The following SLC35F5 variants were observed in gnomAD, a reference collection of about 807,000 sequenced individuals.
SLC35F5 encodes HCV NS5A-transactivated protein 3.
Under a neutral mutation model 68.6 loss-of-function variants are expected in SLC35F5, and 54 were observed. The ratio of observed to expected loss-of-function variants is 0.79; its 90% CI spans 0.63 to 0.99. The LOEUF is 0.99. Among genes scored for constraint, SLC35F5 ranks in the 50% least tolerant of loss-of-function variants. The pLI is 0.00. For missense variants in SLC35F5, 567 were observed against 626.9 expected, an observed-to-expected ratio of 0.90 and a Z score of 1.02; for synonymous variants, 211 against 205.2, an observed-to-expected ratio of 1.03 and a Z score of -0.24.
At chr2:113,746,565 ACAGT>A (rs1676493297) in intron 4 of SLC35F5, among the ~76,000 whole-genome samples, 2 of 152,132 alleles carry the variant, frequency 1.3e-5, no homozygotes, top group South Asian at 2.1e-4. Flanking sequence ...TTTAATCCTG[ACAGT>A]CAGGATTAAA....
intron 7 of SLC35F5, among the ~76,000 whole-genome samples, chr2:113,739,864 A>T (rs967571029): frequency 6.6e-6 from 1 of 152,216 alleles, no homozygotes; most frequent in Non-Finnish European, 1.5e-5. Flanking sequence ...AATGATTAAC[A>T]GGTATTTTGT....
intron 9 of SLC35F5, chr2:113,733,413 G>T: frequency 3.0e-6 from 1 of 334,148 alleles, no homozygotes; most frequent in East Asian, 1.3e-4. Flanking sequence ...TCTTTATTAA[G>T]ATAACATGAA....
rs1278676250 is a variant in SLC35F5 at position 113,707,935 on chromosome 2, T to A, written c.*7283A>T. On this transcript the variant is annotated 3_prime_UTR_variant, in exon 16 of 16. Transcript: ENST00000245680. Reference sequence around the variant, plus strand: ...AATGTATCCTGGCACTTATTTTTTTTAAACCATTATCAGATATTTCATGTT... The same window carrying A: ...AATGTATCCTGGCACTTATTTTTTTAAAACCATTATCAGATATTTCATGTT... Among the ~76,000 whole-genome samples the A allele has an allele frequency of 3.9e-5, 6 of 152,192 alleles. No homozygotes were observed. The highest frequency in any genetic ancestry group is 1.2e-4 in the African/African-American group (5 of 41,462).
chr2:113,751,701 T>C (rs1338344050), intron 3 of SLC35F5, among the ~76,000 whole-genome samples: 1 of 152,078 alleles, frequency 6.6e-6, no homozygotes, highest in African/African-American at 2.4e-5. Context: ...TCCCAGGTAC[T>C]CTGGAGGCTG....
In SLC35F5 at chr2:113,734,644, A is replaced by ATC; in HGVS notation, c.861_862insGA (p.Phe288AspfsTer16). 6.2e-7 allele frequency: 1 copy of ATC among 1,606,676 alleles called. No individual in the cohort carries two copies. Among genetic ancestry groups the ATC allele is most frequent in the African/African-American group, 1.3e-5 (1 of 74,802 alleles). ...AATCTATCTCCACTGTTACTTGGAAATACTGCAGCAAGGATTAAGGTAAAA... is the reference window on the plus strand; with the variant it reads ...AATCTATCTCCACTGTTACTTGGAAATCTACTGCAGCAAGGATTAAGGTAAAA... On this transcript the variant is annotated frameshift_variant, in exon 9 of 16. Transcript: ENST00000245680. LOFTEE classifies it high-confidence loss of function.
chr2:113,708,537 T>C lies in SLC35F5; in HGVS notation c.*6681A>G, dbSNP rs1318951262. Reference sequence around the variant, plus strand: ...CTGGCCAACATGGTAAAACCTCCTCTCTACTATAAATACAAAAAATTAGCT... The same window carrying C: ...CTGGCCAACATGGTAAAACCTCCTCCCTACTATAAATACAAAAAATTAGCT... On this transcript the variant is annotated 3_prime_UTR_variant, in exon 16 of 16. Coordinates refer to ENST00000245680, the MANE Select transcript of SLC35F5 (RefSeq NM_025181.5). 6.6e-6 allele frequency among the ~76,000 whole-genome samples: 1 copy of C among 151,946 alleles called. No homozygotes were observed. The highest frequency in any genetic ancestry group is 1.5e-5 in the Non-Finnish European group (1 of 67,964).
chr2:113,726,767 G>A (rs1304135017), intron 11 of SLC35F5, among the ~76,000 whole-genome samples: 2 of 152,184 alleles, frequency 1.3e-5, no homozygotes, highest in Non-Finnish European at 2.9e-5. Context: ...TCAAGGCCCA[G>A]ACATATTAGC....
Position 113,713,208 on chromosome 2 carries a change from T to C in SLC35F5, c.*2010A>G, listed in dbSNP as rs1022140652. On this transcript the variant is annotated 3_prime_UTR_variant, in exon 16 of 16. Coordinates refer to ENST00000245680, the MANE Select transcript of SLC35F5 (RefSeq NM_025181.5). ...ACAGTGGTGCTTCCTTCTGAAGAAG[T>C]TGTTCATTGATTTTTGTTTTTTAAG... is the stretch of plus-strand genomic sequence containing the variant. 4.6e-5 allele frequency: 7 copies of C among 152,202 alleles called. No individual in the cohort carries two copies. Among genetic ancestry groups the C allele is most frequent in the African/African-American group, 1.7e-4 (7 of 41,438 alleles). 9.4% of individuals were successfully genotyped at this position (152,202 alleles called of 1,614,324 possible).
chr2:113,741,222 T>C (rs1039095321), intron 7 of SLC35F5, among the ~76,000 whole-genome samples: 1 of 152,036 alleles, frequency 6.6e-6, no homozygotes, highest in Non-Finnish European at 1.5e-5. Flanking sequence ...ATGAGGTACT[T>C]ATGAGTAGTC....
intron 11 of SLC35F5, among the ~76,000 whole-genome samples, chr2:113,726,603 C>A (rs760530522): frequency 6.6e-6 from 1 of 152,186 alleles, no homozygotes; most frequent in Non-Finnish European, 1.5e-5. Context: ...AGCACCCACT[C>A]TCTGTCTGAT....
intron 12 of SLC35F5, 41 bp from the exon 13 acceptor site, chr2:113,723,235 A>AAAC (rs3835109): frequency 0.72 from 1,014,878 of 1,400,278 alleles, 375,270 homozygotes; most frequent in Non-Finnish European, 0.76. Context: ...TTAAAAAATT[A>AAAC]AACCAAAGAA....
chr2:113,725,700 C>T, intron 11 of SLC35F5, 163 bp from the exon 12 acceptor site: 1 of 540,680 alleles, frequency 1.8e-6, no homozygotes, highest in Non-Finnish European at 3.2e-6. Context: ...GTGAATAGCT[C>T]AACGCCATAG....
intron 7 of SLC35F5, among the ~76,000 whole-genome samples, chr2:113,737,502 G>A (rs1368290358): frequency 6.6e-6 from 1 of 152,148 alleles, no homozygotes; most frequent in Non-Finnish European, 1.5e-5. Flanking sequence ...AAGAAGATTC[G>A]ACCCTTAATC....
At position 113,750,472 on chromosome 2, in the gene SLC35F5, A is replaced by G. The variant is rs1488097560; in HGVS notation, c.370T>C (p.Trp124Arg). 14 of 1,613,656 alleles carry G rather than the reference A, an allele frequency of 8.7e-6. No homozygotes were observed. Among genetic ancestry groups the G allele is most frequent in the Non-Finnish European group, 1.2e-5 (14 of 1,179,822 alleles). The change falls in exon 4 of 16, where the codon TGG (tryptophan) becomes CGG (arginine). Residue 124 changes from tryptophan to arginine, a missense_variant. Trp to Arg is a moderately radical substitution (Grantham distance 101, BLOSUM62 -3). Coordinates refer to ENST00000245680, the MANE Select transcript of SLC35F5 (RefSeq NM_025181.5). ...YLLGFIIWKP[W>R]RQQCTRGLRG... Reference sequence around the variant, plus strand: ...AGTCCTCTTGTACACTGTTGTCTCCATGGCTTCCAAATAATAAAGCCCAAA... The same window carrying G: ...AGTCCTCTTGTACACTGTTGTCTCCGTGGCTTCCAAATAATAAAGCCCAAA...
At chr2:113,718,633 G>T (rs1687269452) in intron 14 of SLC35F5, among the ~76,000 whole-genome samples, 1 of 151,764 alleles carries the variant, frequency 6.6e-6, no homozygotes, top group Non-Finnish European at 1.5e-5. Context: ...TGCCTCTACT[G>T]AAAATACAAA....
chr2:113,751,337 CTGT>C (rs1676729849), intron 3 of SLC35F5, among the ~76,000 whole-genome samples: 1 of 152,092 alleles, frequency 6.6e-6, no homozygotes, highest in Non-Finnish European at 1.5e-5. Context: ...CCAAGGGAGA[CTGT>C]TTTTTTGTTT....
At chr2:113,728,070 C>A (rs1559332311) in intron 11 of SLC35F5, among the ~76,000 whole-genome samples, 1 of 152,148 alleles carries the variant, frequency 6.6e-6, no homozygotes, top group Non-Finnish European at 1.5e-5. Flanking sequence ...TAGCTCACTG[C>A]AGACTCGAAC....
intron 7 of SLC35F5, among the ~76,000 whole-genome samples, chr2:113,738,930 T>G (rs1292809442): frequency 6.6e-6 from 1 of 152,210 alleles, no homozygotes; most frequent in Non-Finnish European, 1.5e-5. Flanking sequence ...TTTTTACATA[T>G]AGTGGGCTAA....
chr2:113,728,136 C>A (rs1373461104), intron 11 of SLC35F5, among the ~76,000 whole-genome samples: 1 of 152,148 alleles, frequency 6.6e-6, no homozygotes, highest in Non-Finnish European at 1.5e-5. Context: ...GGATTACAAA[C>A]ACATGTAACC....
Sources: gnomAD v4.1 joint callset for allele counts (sites outside exome capture counted in the v4.1 genomes callset) on GRCh38, gnomAD v4.1.1 for gene constraint, MANE v1.5 for transcripts, NCBI Gene and HGNC (gene_info 2026-07-23, HGNC 2026-07-21) for gene names.